TRPM3: variants seen among roughly 807,000 people sequenced by gnomAD.
The protein encoded by TRPM3 is transient receptor potential cation channel subfamily M member 3, also known as long transient receptor potential channel 3.
In TRPM3, 77 loss-of-function variants were observed where a neutral mutation model predicts 181.2. The observed-to-expected ratio is 0.42, with a 90% CI of 0.35 to 0.51. The LOEUF is 0.51. Among genes scored for constraint, TRPM3 ranks in the 20% least tolerant of loss-of-function variants. TRPM3 has a pLI of 0.01. For missense variants in TRPM3, 1,759 were observed against 2,196.7 expected (o/e 0.80, Z 3.98); for synonymous variants, 745 against 796.4 (o/e 0.94, Z 1.09).
chr9:70,661,475 A>T (rs1475977157), intron 9 of TRPM3, among the ~76,000 whole-genome samples: 1 of 152,146 alleles, frequency 6.6e-6, no homozygotes, highest in African/African-American at 2.4e-5. Flanking sequence ...AAGGAATCCA[A>T]ATCAGAAAAA....
At chr9:71,037,935 C>T (rs547730784) in intron 1 of TRPM3, among the ~76,000 whole-genome samples, 2 of 152,306 alleles carry the variant, frequency 1.3e-5, no homozygotes, top group East Asian at 3.9e-4. Flanking sequence ...GCCATTGTTG[C>T]TGTGCAGTTC....
At chr9:71,020,443 A>G (rs2097837279) in intron 1 of TRPM3, among the ~76,000 whole-genome samples, 2 of 151,694 alleles carry the variant, frequency 1.3e-5, no homozygotes, top group South Asian at 4.2e-4. Context: ...GTGCCACTGC[A>G]CTCAGCCTAG....
At chr9:70,622,276 T>C (rs1294583924) in intron 14 of TRPM3, among the ~76,000 whole-genome samples, 1 of 152,166 alleles carries the variant, frequency 6.6e-6, no homozygotes, top group East Asian at 1.9e-4. Context: ...TCTGTTGTTA[T>C]AAGACATCCT....
chr9:71,157,264 T>C (rs1200669359), intron 1 of TRPM3, among the ~76,000 whole-genome samples: 1 of 152,158 alleles, frequency 6.6e-6, no homozygotes, highest in Non-Finnish European at 1.5e-5. Context: ...AGGCAAAGAA[T>C]ATTTTTACTA....
At position 70,750,672 on chromosome 9, in the gene TRPM3, G is replaced by T. The variant is rs541255769; in HGVS notation, c.1272+10929C>A. Among the ~76,000 whole-genome samples the T allele has an allele frequency of 1.3e-3, 197 of 152,306 alleles. 1 individual carries two copies. Among genetic ancestry groups the T allele is most frequent in the African/African-American group, 4.6e-3 (193 of 41,558 alleles). ...CAGAATAACTTGGCCACAATTGGCT[G>T]GTGGCGGTGGCAATGAGGATAGGGG... On this transcript the variant is annotated intron_variant, in intron 8 of 25. Transcript: ENST00000677713.
At chr9:71,369,850 T>G (rs1024149358) in intron 1 of TRPM3, among the ~76,000 whole-genome samples, 16 of 152,234 alleles carry the variant, frequency 1.1e-4, no homozygotes, top group African/African-American at 3.6e-4. Flanking sequence ...AGATTCAAGA[T>G]TTTGGCAAAC....
At chr9:71,442,232 T>G (rs2094145291) in intron 1 of TRPM3, among the ~76,000 whole-genome samples, 1 of 152,230 alleles carries the variant, frequency 6.6e-6, no homozygotes, top group African/African-American at 2.4e-5. Flanking sequence ...TACCTGCTGA[T>G]AAGGGTAATT....
chr9:70,693,466 T>C (rs1431930324), intron 8 of TRPM3, among the ~76,000 whole-genome samples: 1 of 151,836 alleles, frequency 6.6e-6, no homozygotes, highest in Non-Finnish European at 1.5e-5. Flanking sequence ...TTGTAAACAT[T>C]TTTAGCGCTT....
At chr9:70,770,071 C>A (rs1165303183) in intron 7 of TRPM3, among the ~76,000 whole-genome samples, 3 of 151,770 alleles carry the variant, frequency 2.0e-5, no homozygotes, top group Non-Finnish European at 4.4e-5. Context: ...TATTATTGGT[C>A]TCTATCTTTA....
chr9:71,333,871 T>C (rs2090382623), intron 1 of TRPM3, among the ~76,000 whole-genome samples: 1 of 151,946 alleles, frequency 6.6e-6, no homozygotes, highest in African/African-American at 2.4e-5. Context: ...GTGTGAAATC[T>C]CCTGTTTCTA....
At chr9:70,614,192 C>T (rs1171929720) in intron 18 of TRPM3, among the ~76,000 whole-genome samples, 2 of 151,912 alleles carry the variant, frequency 1.3e-5, no homozygotes, top group African/African-American at 2.4e-5. Context: ...TCAGCTTCCT[C>T]ATTTGTAAAA....
chr9:71,173,785 T>A (rs1444959644), intron 1 of TRPM3, among the ~76,000 whole-genome samples: 1 of 152,236 alleles, frequency 6.6e-6, no homozygotes, highest in Non-Finnish European at 1.5e-5. Context: ...AACTTTTAAT[T>A]TGTTTTTAGA....
In TRPM3 at chr9:70,767,401, T is replaced by C. The variant is rs539688492; in HGVS notation, c.1149-5677A>G. 8.5e-5 allele frequency among the ~76,000 whole-genome samples: 13 copies of C among 152,292 alleles called. No homozygotes were observed. The South Asian group carries it at 2.5e-3, about 29-fold the overall frequency. On this transcript the variant is annotated intron_variant, in intron 7 of 25. Transcript: ENST00000677713. Reference sequence around the variant, plus strand: ...ACTAAGTTAAATATAGAGATATAAATAATATTCAGTTCTAGCCTCAAGGAA... The same window carrying C: ...ACTAAGTTAAATATAGAGATATAAACAATATTCAGTTCTAGCCTCAAGGAA...
At chr9:71,026,165 C>T (rs2097895185) in intron 1 of TRPM3, among the ~76,000 whole-genome samples, 1 of 152,178 alleles carries the variant, frequency 6.6e-6, no homozygotes, top group South Asian at 2.1e-4. Flanking sequence ...AGTGCCCATT[C>T]CCTTAGGCAC....
chr9:70,829,847 T>C (rs1021627113), intron 5 of TRPM3, among the ~76,000 whole-genome samples: 2 of 152,160 alleles, frequency 1.3e-5, no homozygotes, highest in African/African-American at 4.8e-5. Flanking sequence ...GTAGGTTGCT[T>C]GTGGTTAAAA....
At chr9:70,982,636 G>A (rs2097374640) in intron 1 of TRPM3, among the ~76,000 whole-genome samples, 1 of 152,100 alleles carries the variant, frequency 6.6e-6, no homozygotes, top group Admixed American at 6.5e-5. Flanking sequence ...TCACATCCTA[G>A]TTTATCTTCC....
chr9:70,864,584 C>T (rs923426800), intron 1 of TRPM3, 73 bp from the exon 2 acceptor site: 1 of 1,104,900 alleles, frequency 9.1e-7, no homozygotes, highest in African/African-American at 1.7e-5. Flanking sequence ...ATATTTTTAA[C>T]TAGAAAGCAA....
chr9:71,296,766 G>A (rs755783252), intron 1 of TRPM3, among the ~76,000 whole-genome samples: 5 of 152,070 alleles, frequency 3.3e-5, no homozygotes, highest in African/African-American at 4.8e-5. Flanking sequence ...ACTAGACGGC[G>A]GGGGTTCACA....
At chr9:70,700,144 G>A (rs1291524689) in intron 8 of TRPM3, among the ~76,000 whole-genome samples, 2 of 152,028 alleles carry the variant, frequency 1.3e-5, no homozygotes, top group Non-Finnish European at 2.9e-5. Context: ...CACCATGCCC[G>A]GCTAATTTTT....
Sources: allele counts gnomAD v4.1 joint callset (sites outside exome capture counted in the v4.1 genomes callset), GRCh38; gene constraint gnomAD v4.1.1; transcripts MANE v1.5; gene names NCBI Gene and HGNC (gene_info 2026-07-23, HGNC 2026-07-21).